The following LARGE1 variants were observed in gnomAD, a reference collection of about 807,000 sequenced individuals.
LARGE1 encodes the protein xylosyl- and glucuronyltransferase LARGE1.
LARGE1 carries 43 observed loss-of-function variants against 87.6 expected under a neutral mutation model. That is an observed-to-expected ratio of 0.49 (90% CI 0.38 to 0.63). The LOEUF (loss-of-function observed/expected upper bound fraction) is 0.63. Ranked by LOEUF, LARGE1 falls within the 30% of genes least tolerant of loss-of-function variation. The pLI is 0.00. For synonymous variants in LARGE1, 434 were observed against 394.6 expected (o/e 1.10, Z -1.18); for missense variants, 802 against 1,000.2 (o/e 0.80, Z 2.67).
the LARGE1 span, among the ~76,000 whole-genome samples, chr22:33,137,674 C>T: frequency 2.0e-5 from 3 of 152,186 alleles, no homozygotes; most frequent in Non-Finnish European, 4.4e-5. Flanking sequence ...GGGACAGGCC[C>T]AGGGTCCCTG....
chr22:33,767,827 G>A (rs1221952027), intron 1 of LARGE1, among the ~76,000 whole-genome samples: 1 of 152,166 alleles, frequency 6.6e-6, no homozygotes, highest in Admixed American at 6.5e-5. Context: ...CTTCAGAATT[G>A]CTTAGGATCC....
intron 11 of LARGE1, among the ~76,000 whole-genome samples, chr22:33,224,811 C>T (rs928152748): frequency 6.6e-6 from 1 of 152,204 alleles, no homozygotes; most frequent in African/African-American, 2.4e-5. Flanking sequence ...GACACAGGCT[C>T]ACAGGATGTC....
intron 12 of LARGE1, among the ~76,000 whole-genome samples, chr22:33,301,485 A>G (rs1158340970): frequency 2.0e-5 from 3 of 152,334 alleles, no homozygotes; most frequent in South Asian, 2.1e-4. Context: ...CCAACATTAA[A>G]AAAACATTTT....
intron 13 of LARGE1, among the ~76,000 whole-genome samples, chr22:33,278,195 C>T (rs1226795143): frequency 6.6e-6 from 1 of 152,192 alleles, no homozygotes; most frequent in African/African-American, 2.4e-5. Flanking sequence ...GGCAAATTAA[C>T]TAGACTCTAG....
chr22:33,911,373 G>C (rs749274272), intron 1 of LARGE1, among the ~76,000 whole-genome samples: 1 of 152,168 alleles, frequency 6.6e-6, no homozygotes, highest in Non-Finnish European at 1.5e-5. Context: ...GCATCAGAGA[G>C]TGCTCTTGTA....
rs2084809319 is a variant in LARGE1, at chr22:33,763,791, G to A, written c.-82-2233C>T. ...AAGATATTTTAAGTACATTTCAGGG[G>A]CAATCCTTCCTTCCTGGAGGGCAGA... is the stretch of plus-strand genomic sequence containing the variant. On this transcript the variant is annotated intron_variant, in intron 1 of 14. Transcript: ENST00000397394. Among the ~76,000 whole-genome samples the A allele has an allele frequency of 2.0e-5, 3 of 150,144 alleles. 1 individual carries two copies. In the South Asian group the frequency reaches 6.3e-4, roughly 32 times the overall value.
intron 2 of LARGE1, among the ~76,000 whole-genome samples, chr22:33,698,104 ACT>A (rs2082305384): frequency 1.3e-5 from 2 of 152,170 alleles, no homozygotes; most frequent in African/African-American, 2.4e-5. Context: ...AGTCTCACTC[ACT>A]CTGTCACCCA....
chr22:33,789,932 G>C (rs2085769853), intron 1 of LARGE1, among the ~76,000 whole-genome samples: 1 of 152,146 alleles, frequency 6.6e-6, no homozygotes, highest in Admixed American at 6.5e-5. Context: ...AGTTAATGCT[G>C]AAATGAGTTG....
At chr22:33,890,155 C>A (rs557189422) in intron 1 of LARGE1, among the ~76,000 whole-genome samples, 67 of 152,204 alleles carry the variant, frequency 4.4e-4, no homozygotes, top group Non-Finnish European at 7.8e-4. Flanking sequence ...AGGAACAGAG[C>A]TACTACAGCT....
At chr22:33,626,119 A>T in intron 4 of LARGE1, 125 bp downstream of exon 4, 1 of 800,584 alleles carries the variant, frequency 1.2e-6, no homozygotes. Flanking sequence ...TCAGACAAAA[A>T]TTACATTTTT....
the LARGE1 span, among the ~76,000 whole-genome samples, chr22:33,084,441 T>C: frequency 2.6e-5 from 4 of 151,922 alleles, no homozygotes; most frequent in African/African-American, 4.8e-5. Flanking sequence ...GGAGGATGGC[T>C]TGAGCCCAGG....
intron 7 of LARGE1, among the ~76,000 whole-genome samples, chr22:33,393,945 G>C (rs899579444): frequency 6.6e-6 from 1 of 152,228 alleles, no homozygotes; most frequent in African/African-American, 2.4e-5. Flanking sequence ...CTGTGGATCA[G>C]AGGGCCATGT....
chr22:33,435,294 G>T (rs749307595), intron 6 of LARGE1, among the ~76,000 whole-genome samples: 1 of 152,140 alleles, frequency 6.6e-6, no homozygotes, highest in Non-Finnish European at 1.5e-5. Flanking sequence ...GAGCCACCAT[G>T]CCTGGCTCCT....
At chr22:33,312,874 A>G (rs969422128) in intron 11 of LARGE1, among the ~76,000 whole-genome samples, 1 of 152,222 alleles carries the variant, frequency 6.6e-6, no homozygotes, top group African/African-American at 2.4e-5. Context: ...AAGGAAACAC[A>G]TATGTGAAAA....
chr22:33,300,174 T>A (rs1201391537), intron 12 of LARGE1, among the ~76,000 whole-genome samples: 1 of 152,216 alleles, frequency 6.6e-6, no homozygotes, highest in African/African-American at 2.4e-5. Flanking sequence ...GTGAGCAGGC[T>A]GGCATGGAGG....
At chr22:33,505,082 C>A (rs1253596571) in intron 6 of LARGE1, among the ~76,000 whole-genome samples, 1 of 152,240 alleles carries the variant, frequency 6.6e-6, no homozygotes, top group Non-Finnish European at 1.5e-5. Flanking sequence ...CCGCTCAACA[C>A]ACAGAGGATT....
At chr22:33,108,020 T>A in the LARGE1 span, among the ~76,000 whole-genome samples, 3 of 152,178 alleles carry the variant, frequency 2.0e-5, no homozygotes, top group Non-Finnish European at 4.4e-5. Flanking sequence ...AATGGAAGAC[T>A]GAATAAAATG....
intron 6 of LARGE1, among the ~76,000 whole-genome samples, chr22:33,526,738 A>C (rs1344087689): frequency 2.0e-5 from 3 of 152,244 alleles, no homozygotes; most frequent in Admixed American, 6.5e-5. Context: ...TACTCTTGAG[A>C]AACTAAAACT....
At chr22:33,564,055 ATTTTAAACACAGAAGGGG>A (rs2077947220) in intron 6 of LARGE1, among the ~76,000 whole-genome samples, 1 of 152,198 alleles carries the variant, frequency 6.6e-6, no homozygotes, top group South Asian at 2.1e-4. Flanking sequence ...GGCAGAAGGG[ATTTTAAACACAGAAGGGG>A]CTAGCGTGCA....
Sources: gnomAD v4.1 joint callset for allele counts (sites outside exome capture counted in the v4.1 genomes callset) on GRCh38, gnomAD v4.1.1 for gene constraint, MANE v1.5 for transcripts, NCBI Gene and HGNC (gene_info 2026-07-23, HGNC 2026-07-21) for gene names.